IGF2R: variants seen among roughly 807,000 people sequenced by gnomAD.
IGF2R encodes the protein cation-independent mannose-6-phosphate receptor.
IGF2R carries 91 observed loss-of-function variants against 270.6 expected under a neutral mutation model. The observed-to-expected ratio is 0.34, with a 90% confidence interval of 0.28 to 0.40. The LOEUF (loss-of-function observed/expected upper bound fraction) is 0.40, where lower values mean the gene tolerates loss of function less well. IGF2R is among the 10% of genes least tolerant of loss of function. IGF2R has a pLI of 1.00. For synonymous variants in IGF2R, 1,316 were observed against 1,258.9 expected, an observed-to-expected ratio of 1.05 and a Z score of -0.96; for missense variants, 2,805 against 3,188.3, an observed-to-expected ratio of 0.88 and a Z score of 2.90.
intron 4 of IGF2R, among the ~76,000 whole-genome samples, chr6:160,011,152 C>T (rs769605525): frequency 2.6e-5 from 4 of 152,136 alleles, no homozygotes; most frequent in Non-Finnish European, 4.4e-5. Flanking sequence ...ACGCTGCCTG[C>T]TTCATCTTCC....
At chr6:160,074,604 T>C (rs1583293834) in intron 35 of IGF2R, among the ~76,000 whole-genome samples, 1 of 152,374 alleles carries the variant, frequency 6.6e-6, no homozygotes, top group Non-Finnish European at 1.5e-5. Context: ...AATTTGGATC[T>C]TTAAAAATTG....
chr6:160,053,709 A>G (rs1778246922), intron 19 of IGF2R, among the ~76,000 whole-genome samples: 1 of 152,192 alleles, frequency 6.6e-6, no homozygotes. Context: ...ACCAGTATCC[A>G]TGTCCAGGAC....
At chr6:159,980,373 T>C (rs1040965112) in intron 1 of IGF2R, among the ~76,000 whole-genome samples, 3 of 152,164 alleles carry the variant, frequency 2.0e-5, no homozygotes, top group Non-Finnish European at 4.4e-5. Context: ...GCATGAGCTC[T>C]GGAGCAGGAC....
At chr6:160,027,774 G>A (rs372680905) in intron 6 of IGF2R, among the ~76,000 whole-genome samples, 3 of 152,218 alleles carry the variant, frequency 2.0e-5, no homozygotes, top group Non-Finnish European at 2.9e-5. Context: ...GTGTTGTGCC[G>A]TGTACATATG....
Position 160,059,070 on chromosome 6 carries a change from G to C in IGF2R, c.3063G>C (p.Leu1021=), listed in dbSNP as rs375131229. The C allele has an allele frequency of 1.2e-6, 2 of 1,614,028 alleles. No individual in the cohort carries two copies. The highest frequency in any genetic ancestry group is 2.7e-5 in the African/African-American group (2 of 74,944). The part of the protein sequence containing the change: ...LQLSTEGFIT[L]TYKGPLSAKG... ...TGTCCACAGAGGGCTTCATCACTCT[G>C]ACCTACAAAGGGCCTCTCTCTGCCA... Residue 1021 remains leucine (L), a synonymous_variant, in exon 22 of 48, where the codon CTG becomes CTC. Coordinates refer to ENST00000356956, the MANE Select transcript of IGF2R (RefSeq NM_000876.4).
At chr6:160,023,521 C>T (rs1414829519) in intron 4 of IGF2R, among the ~76,000 whole-genome samples, 1 of 152,132 alleles carries the variant, frequency 6.6e-6, no homozygotes, top group Non-Finnish European at 1.5e-5. Context: ...AGCTGTACCC[C>T]AAGCTTCACA....
chr6:159,988,416 G>A (rs1783922690), intron 1 of IGF2R, among the ~76,000 whole-genome samples: 1 of 151,158 alleles, frequency 6.6e-6, no homozygotes, highest in African/African-American at 2.4e-5. Context: ...GGGAGGCTGA[G>A]GCAGGAGAAT....
At position 160,083,303 on chromosome 6, in the gene IGF2R, T is replaced by C. The variant is rs751460037; in HGVS notation, c.5834-647T>C. Among the ~76,000 whole-genome samples the C allele has an allele frequency of 2.0e-5, 3 of 152,356 alleles. No homozygotes were observed. In the South Asian group the frequency reaches 6.2e-4, roughly 32 times the overall value. On this transcript the variant is annotated intron_variant, in intron 39 of 47. Coordinates refer to ENST00000356956, the MANE Select transcript of IGF2R (RefSeq NM_000876.4). ...CGGAGTAAAGAATAACAAGGCAGCA[T>C]TACTGCAAACGTGTCTCGCCTCCCG...
rs1329514653 is a variant in IGF2R at position 160,088,107 on chromosome 6, T to C, written c.6280T>C (p.Leu2094=). ...TAAGACCGCATCCTCCGTGATAGAA[T>C]TGACCTGTACAAAGACGGTGGGCAG... The part of the protein sequence containing the change: ...GNKTASSVIE[L]TCTKTVGRPA... The change falls in exon 42 of 48, where the codon TTG becomes CTG. Residue 2094 remains leucine, a synonymous_variant. Transcript: ENST00000356956. 1 of 1,613,928 alleles carries C rather than the reference T, an allele frequency of 6.2e-7. No homozygotes were observed. The highest frequency in any genetic ancestry group is 1.1e-5 in the South Asian group (1 of 91,080).
chr6:160,044,472 T>C, intron 12 of IGF2R, 42 bp from the exon 13 acceptor site: 2 of 1,501,090 alleles, frequency 1.3e-6, no homozygotes, highest in South Asian at 1.2e-5. Context: ...GTGATGATCA[T>C]TTTTAACCAC....
chr6:160,030,222 C>T (rs1777664717), intron 7 of IGF2R, among the ~76,000 whole-genome samples: 1 of 152,176 alleles, frequency 6.6e-6, no homozygotes, highest in South Asian at 2.1e-4. Flanking sequence ...GAGTGCCCAG[C>T]GCCTGCAAGT....
At chr6:160,080,011 G>C (rs556276346) in intron 38 of IGF2R, 118 bp from the exon 39 acceptor site, 1 of 1,259,306 alleles carries the variant, frequency 7.9e-7, no homozygotes, top group South Asian at 1.4e-5. Flanking sequence ...GGTGAATGCC[G>C]GTTGTCACGT....
At chr6:160,094,019 TTGC>T (rs1779291037) in intron 44 of IGF2R, 1 of 621,398 alleles carries the variant, frequency 1.6e-6, no homozygotes, top group Non-Finnish European at 3.1e-6. Flanking sequence ...AAACTATTCC[TTGC>T]AGTCTAGTAT....
intron 5 of IGF2R, among the ~76,000 whole-genome samples, chr6:160,026,193 A>G (rs1290318807): frequency 1.3e-5 from 2 of 152,242 alleles, no homozygotes; most frequent in Non-Finnish European, 2.9e-5. Flanking sequence ...CATGAGGGCA[A>G]GGAGCCTATG....
At chr6:160,099,409 C>G in intron 45 of IGF2R, among the ~76,000 whole-genome samples, 1 of 151,990 alleles carries the variant, frequency 6.6e-6, no homozygotes, top group South Asian at 2.1e-4. Flanking sequence ...CGCTCTCGCC[C>G]AGGCTGGAGT....
At chr6:160,008,715 C>G (rs186409299) in intron 2 of IGF2R, among the ~76,000 whole-genome samples, 2 of 152,092 alleles carry the variant, frequency 1.3e-5, no homozygotes, top group Admixed American at 6.5e-5. Flanking sequence ...ATTGCTGGAG[C>G]GCAGGTAGTG....
chr6:159,975,420 T>C (rs1783674527), intron 1 of IGF2R, among the ~76,000 whole-genome samples: 1 of 152,040 alleles, frequency 6.6e-6, no homozygotes. Context: ...CAACCCAGTT[T>C]TTATGGAAGC....
At chr6:160,005,227 C>G (rs1373957124) in intron 2 of IGF2R, 2 of 152,334 alleles carry the variant, frequency 1.3e-5, no homozygotes, top group Non-Finnish European at 2.9e-5. Flanking sequence ...TCTAAGGAGG[C>G]TCTGCCGGCG....
chr6:159,991,109 C>A (rs1473792543), intron 1 of IGF2R, 75 bp from the exon 2 acceptor site: 1 of 1,404,410 alleles, frequency 7.1e-7, no homozygotes, highest in Non-Finnish European at 9.7e-7. Context: ...GCAAATGTGG[C>A]TTGAATAAAA....
Sources: allele counts gnomAD v4.1 joint callset (sites outside exome capture counted in the v4.1 genomes callset), GRCh38; gene constraint gnomAD v4.1.1; transcripts MANE v1.5; gene names NCBI Gene and HGNC (gene_info 2026-07-23, HGNC 2026-07-21).